The following ELMO1 variants were observed in gnomAD, a reference collection of about 807,000 sequenced individuals.
ELMO1 encodes engulfment and cell motility 1.
Under a neutral mutation model 98.9 loss-of-function variants are expected in ELMO1, and 26 were observed. That is an observed-to-expected ratio of 0.26 (90% CI 0.19 to 0.36). ELMO1 has a LOEUF of 0.36. Among genes scored for constraint, ELMO1 ranks in the 10% least tolerant of loss-of-function variants. The pLI, the probability that ELMO1 is intolerant of heterozygous loss-of-function variation, is 1.00. For missense variants in ELMO1, 627 were observed against 935.2 expected (o/e 0.67, Z 4.30); for synonymous variants, 346 against 346.0 (o/e 1.00, Z 0.00).
At position 36,853,114 on chromosome 7, in the gene ELMO1, G is replaced by C. The variant is rs1801963912; in HGVS notation, c.*2437C>G. 6.6e-6 allele frequency among the ~76,000 whole-genome samples: 1 copy of C among 152,108 alleles called. No homozygotes were observed. Among genetic ancestry groups the C allele is most frequent in the Non-Finnish European group, 1.5e-5 (1 of 68,036 alleles). On this transcript the variant is annotated 3_prime_UTR_variant, in exon 22 of 22. Coordinates refer to ENST00000310758, the MANE Select transcript of ELMO1 (RefSeq NM_014800.11). ...AGCCTTGGGCAGCCTGGAGAGAGAA[G>C]GTGAGGTGGCCAAATATGGGCAACA... is the stretch of plus-strand genomic sequence containing the variant.
chr7:37,220,766 T>C (rs1008929701), intron 10 of ELMO1, among the ~76,000 whole-genome samples: 5 of 152,176 alleles, frequency 3.3e-5, no homozygotes, highest in African/African-American at 4.8e-5. Flanking sequence ...AAATGGCCTT[T>C]AGAGTGGGCA....
chr7:37,375,683 C>T (rs1802309609), intron 1 of ELMO1: 8 of 1,262,562 alleles, frequency 6.3e-6, no homozygotes, highest in Non-Finnish European at 9.3e-6. Context: ...TCTCTCAAGT[C>T]CCGAGGCTGT....
intron 15 of ELMO1, among the ~76,000 whole-genome samples, chr7:37,062,149 C>A (rs891786548): frequency 9.2e-5 from 14 of 152,162 alleles, no homozygotes; most frequent in African/African-American, 3.4e-4. Flanking sequence ...AAATGTTAGG[C>A]TAAAGATTAT....
At chr7:37,233,779 T>C (rs903131532) in intron 7 of ELMO1, among the ~76,000 whole-genome samples, 1 of 152,244 alleles carries the variant, frequency 6.6e-6, no homozygotes, top group African/African-American at 2.4e-5. Flanking sequence ...CAAACATGTA[T>C]GCAAGTAAAC....
chr7:36,906,334 T>G (rs1783956715), intron 16 of ELMO1, among the ~76,000 whole-genome samples: 1 of 152,246 alleles, frequency 6.6e-6, no homozygotes, highest in Non-Finnish European at 1.5e-5. Context: ...CAGATCAAAC[T>G]GTGTCATATT....
chr7:36,916,249 A>C (rs955289992), intron 16 of ELMO1, among the ~76,000 whole-genome samples: 2 of 152,202 alleles, frequency 1.3e-5, no homozygotes, highest in African/African-American at 4.8e-5. Context: ...ATTTCCAGTC[A>C]TAGCATCTTT....
intron 16 of ELMO1, among the ~76,000 whole-genome samples, chr7:36,939,568 A>G (rs1786844601): frequency 6.6e-6 from 1 of 152,270 alleles, no homozygotes; most frequent in Admixed American, 6.5e-5. Context: ...ACCAAGAACT[A>G]CATTTTTAAA....
intron 16 of ELMO1, among the ~76,000 whole-genome samples, chr7:36,906,919 T>C (rs187271127): frequency 2.6e-5 from 4 of 152,208 alleles, no homozygotes; most frequent in Admixed American, 2.0e-4. Context: ...TTTAGAAATA[T>C]ATGTCCATTC....
Position 37,214,577 on chromosome 7 carries a change from G to C in ELMO1, c.832-1120C>G, listed in dbSNP as rs960663402. Among the ~76,000 whole-genome samples, 3 of 152,076 alleles carry C rather than the reference G, an allele frequency of 2.0e-5. No individual in the cohort carries two copies. In the East Asian group the frequency reaches 5.8e-4, roughly 29 times the overall value. On this transcript the variant is annotated intron_variant, in intron 11 of 21. Coordinates refer to ENST00000310758, the MANE Select transcript of ELMO1 (RefSeq NM_014800.11). ...TGAAATAGCTAATTCAAGGAGGAGGGGTGGGAGAAGATTGAGGAATAGAAG... is the reference window on the plus strand; with the variant it reads ...TGAAATAGCTAATTCAAGGAGGAGGCGTGGGAGAAGATTGAGGAATAGAAG...
At chr7:37,267,022 A>T (rs1048098151) in intron 5 of ELMO1, among the ~76,000 whole-genome samples, 1 of 95,958 alleles carries the variant, frequency 1.0e-5, no homozygotes, top group African/African-American at 4.0e-5. Context: ...AAAAAAAAAA[A>T]AAAAATATGT....
intron 5 of ELMO1, chr7:37,269,908 A>C (rs571571055): frequency 6.6e-6 from 1 of 152,182 alleles, no homozygotes; most frequent in Non-Finnish European, 1.5e-5. Flanking sequence ...TCTGCCTAAC[A>C]TCTAAGCCTT....
intron 5 of ELMO1, among the ~76,000 whole-genome samples, chr7:37,267,322 G>T (rs978660110): frequency 2.0e-5 from 3 of 152,232 alleles, no homozygotes; most frequent in Non-Finnish European, 4.4e-5. Flanking sequence ...ACTAACAACT[G>T]CACAGTATTC....
chr7:37,140,335 G>A (rs112516160), intron 13 of ELMO1, among the ~76,000 whole-genome samples: 3,495 of 151,808 alleles, frequency 0.023, 143 homozygotes, highest in African/African-American at 0.081. Flanking sequence ...GTAGTGAGCC[G>A]AGATGGCGCC....
chr7:37,014,181 C>T (rs1204795338), intron 15 of ELMO1, among the ~76,000 whole-genome samples: 1 of 152,108 alleles, frequency 6.6e-6, no homozygotes, highest in African/African-American at 2.4e-5. Flanking sequence ...CCTCCTCCTC[C>T]TCCTCCTCAG....
rs560098703 is a variant in ELMO1, at chr7:37,068,095, A to G, written c.1300+28524T>C. 1.6e-4 allele frequency among the ~76,000 whole-genome samples: 25 copies of G among 152,304 alleles called. 1 individual carries two copies. The highest frequency in any genetic ancestry group is 6.0e-4 in the African/African-American group (25 of 41,570). On this transcript the variant is annotated intron_variant, in intron 15 of 21. Coordinates refer to ENST00000310758, the MANE Select transcript of ELMO1 (RefSeq NM_014800.11). The stretch of plus-strand genomic sequence containing the variant: ...CCTGGGCACAGGTCTACTGCTCTCA[A>G]GTGGAACTGACTGTGGGTCACGTGT...
chr7:37,323,987 TA>T (rs993635198), intron 2 of ELMO1, among the ~76,000 whole-genome samples: 3 of 152,170 alleles, frequency 2.0e-5, no homozygotes, highest in African/African-American at 7.2e-5. Context: ...TATGTTCCTT[TA>T]AGGCACTGGA....
chr7:36,863,941 C>G (rs937293699), intron 20 of ELMO1, among the ~76,000 whole-genome samples: 3 of 152,110 alleles, frequency 2.0e-5, no homozygotes, highest in Non-Finnish European at 4.4e-5. Flanking sequence ...ATTAGGAAAA[C>G]TCTCTGACTC....
At chr7:37,401,593 GA>G (rs1803530403) in intron 1 of ELMO1, among the ~76,000 whole-genome samples, 1 of 152,162 alleles carries the variant, frequency 6.6e-6, no homozygotes, top group African/African-American at 2.4e-5. Flanking sequence ...GGCAGAAGGG[GA>G]AGCAAACACA....
chr7:37,078,841 C>T lies in ELMO1; in HGVS notation c.1300+17778G>A, dbSNP rs920289291. Among the ~76,000 whole-genome samples the T allele has an allele frequency of 7.9e-5, 12 of 151,884 alleles. 1 individual carries two copies. The highest frequency in any genetic ancestry group is 3.9e-4 in the Admixed American group (6 of 15,244). The stretch of plus-strand genomic sequence containing the variant: ...AATGATACAATTATATTTTTGTTAT[C>T]GTGGATAGTTACAATATATTAAATA... On this transcript the variant is annotated intron_variant, in intron 15 of 21. Transcript: ENST00000310758.
Sources: allele counts gnomAD v4.1 joint callset (sites outside exome capture counted in the v4.1 genomes callset), GRCh38; gene constraint gnomAD v4.1.1; transcripts MANE v1.5; gene names NCBI Gene and HGNC (gene_info 2026-07-23, HGNC 2026-07-21).